Variants in AKAP13 observed in about 807,000 individuals in gnomAD.
AKAP13 encodes A-kinase anchoring protein 13, also known as A-kinase anchor protein 13.
AKAP13 carries 80 observed loss-of-function variants against 264.5 expected under a neutral mutation model. The observed-to-expected ratio is 0.30, with a 90% CI of 0.25 to 0.36. AKAP13 has a LOEUF of 0.36. AKAP13 is among the 10% of genes least tolerant of loss of function. The pLI is 1.00. For synonymous variants in AKAP13, 1,380 were observed against 1,250.2 expected, an observed-to-expected ratio of 1.10 and a Z score of -2.19; for missense variants, 3,712 against 3,435.2, an observed-to-expected ratio of 1.08 and a Z score of -2.01.
At chr15:85,505,392 T>C (rs570799279) in intron 2 of AKAP13, among the ~76,000 whole-genome samples, 3 of 152,200 alleles carry the variant, frequency 2.0e-5, no homozygotes, top group Non-Finnish European at 4.4e-5. Context: ...TGACTGGTAG[T>C]AGTATTTAAA....
intron 2 of AKAP13, among the ~76,000 whole-genome samples, chr15:85,501,207 G>A (rs55857625): frequency 0.11 from 16,531 of 152,068 alleles, 1,171 homozygotes; most frequent in East Asian, 0.3. Context: ...ATGGTTTAGG[G>A]ATCCCAGGCA....
rs369008646 is a variant in AKAP13 at position 85,606,090 on chromosome 15, C to CT, written c.4161+20293dup. The stretch of plus-strand genomic sequence containing the variant: ...AGATTTTCTGCACTGGTTTGATCTA[C>CT]TTTTTTTTTTTTTTTTTTTTTTTTT... On this transcript the variant is annotated intron_variant, in intron 8 of 36. Coordinates refer to ENST00000394518, the MANE Select transcript of AKAP13 (RefSeq NM_007200.5). Among the ~76,000 whole-genome samples, 371 of 88,298 alleles carry CT rather than the reference C, an allele frequency of 4.2e-3. 22 individuals carry two copies. Among genetic ancestry groups the CT allele is most frequent in the African/African-American group, 9.4e-3 (181 of 19,190 alleles). The allele number at this position is 88,298 out of a possible 152,430, so 57.9% of individuals were successfully genotyped here.
intron 8 of AKAP13, among the ~76,000 whole-genome samples, chr15:85,631,250 C>T (rs867764745): frequency 2.1e-4 from 32 of 152,024 alleles, no homozygotes; most frequent in African/African-American, 6.8e-4. Context: ...GAAATACATT[C>T]GTGGCTCTCT....
At chr15:85,385,673 T>C (rs146529106) in intron 1 of AKAP13, among the ~76,000 whole-genome samples, 2 of 152,358 alleles carry the variant, frequency 1.3e-5, no homozygotes, top group African/African-American at 2.4e-5. Flanking sequence ...ACTAATGATA[T>C]TAAGTATCTT....
chr15:85,461,556 A>T (rs1015950369), intron 1 of AKAP13, among the ~76,000 whole-genome samples: 1 of 152,086 alleles, frequency 6.6e-6, no homozygotes, highest in African/African-American at 2.4e-5. Context: ...CTACATACCA[A>T]ATCCCCCTAT....
At chr15:85,591,791 T>A (rs2079591182) in intron 8 of AKAP13, among the ~76,000 whole-genome samples, 1 of 152,194 alleles carries the variant, frequency 6.6e-6, no homozygotes, top group African/African-American at 2.4e-5. Flanking sequence ...CATCTGTTCA[T>A]TGAAGTATCT....
chr15:85,554,031 G>C (rs2078055139), intron 5 of AKAP13, among the ~76,000 whole-genome samples: 1 of 152,164 alleles, frequency 6.6e-6, no homozygotes, highest in Non-Finnish European at 1.5e-5. Context: ...CGCTGGTTTA[G>C]ATTATGTAGA....
In AKAP13 at chr15:85,744,757, T is replaced by C; in HGVS notation, c.*80T>C. 7.4e-7 allele frequency: 1 copy of C among 1,354,122 alleles called. No individual in the cohort carries two copies. The highest frequency in any genetic ancestry group is 1.0e-6 in the Non-Finnish European group (1 of 995,842). 83.9% of individuals were successfully genotyped at this position (1,354,122 alleles called of 1,614,324 possible). A position where few individuals can be genotyped will look rare whatever the true frequency, so the allele number is the denominator to read the frequency against. On this transcript the variant is annotated 3_prime_UTR_variant, in exon 37 of 37. Transcript: ENST00000394518. ...CCTGCTGTCCCCGCGTGCACAAGTCTCTTACACTGGACGCCCACTGCTCCT... is the reference window on the plus strand; with the variant it reads ...CCTGCTGTCCCCGCGTGCACAAGTCCCTTACACTGGACGCCCACTGCTCCT...
chr15:85,445,133 A>C (rs192079617), intron 1 of AKAP13, among the ~76,000 whole-genome samples: 1 of 152,316 alleles, frequency 6.6e-6, no homozygotes, highest in Non-Finnish European at 1.5e-5. Context: ...AAAAAAACCT[A>C]TGATCAAAAC....
At chr15:85,540,760 C>A (rs1023988156) in intron 4 of AKAP13, among the ~76,000 whole-genome samples, 4 of 152,212 alleles carry the variant, frequency 2.6e-5, no homozygotes. Context: ...CTTCTACAAA[C>A]CTAATTCACA....
At chr15:85,501,806 C>G (rs2076044487) in intron 2 of AKAP13, among the ~76,000 whole-genome samples, 1 of 152,230 alleles carries the variant, frequency 6.6e-6, no homozygotes, top group South Asian at 2.1e-4. Context: ...TATTGCTCCT[C>G]TGTGTCAGCG....
intron 1 of AKAP13, among the ~76,000 whole-genome samples, chr15:85,387,401 A>AT (rs1567032599): frequency 6.6e-6 from 1 of 151,986 alleles, no homozygotes; most frequent in African/African-American, 2.4e-5. Context: ...TAGGATAACC[A>AT]CTCACTGCAG....
At chr15:85,565,799 C>G (rs1048211963) in intron 5 of AKAP13, among the ~76,000 whole-genome samples, 1 of 152,192 alleles carries the variant, frequency 6.6e-6, no homozygotes, top group Admixed American at 6.5e-5. Flanking sequence ...CTTCCCTCTA[C>G]TGGTCCTGTC....
chr15:85,539,164 T>C (rs1227239891), intron 4 of AKAP13, among the ~76,000 whole-genome samples: 1 of 152,172 alleles, frequency 6.6e-6, no homozygotes, highest in Non-Finnish European at 1.5e-5. Context: ...TCATCACTGC[T>C]GAAAAGAAAA....
rs1290992648 is a variant in AKAP13 at position 85,580,425 on chromosome 15, C to T, written c.2357C>T (p.Ser786Phe). The change falls in exon 7 of 37, where the codon TCT (serine) becomes TTT (phenylalanine). Residue 786 changes from serine to phenylalanine, a missense_variant. By Grantham distance (155) the Ser-to-Phe change is radical (BLOSUM62 -2). Around this residue, in one of 3 missense-constraint regions of AKAP13, gnomAD observed 2,759 missense variants for 2,411.7 expected, o/e 1.14. Transcript: ENST00000394518. ...GCAGTAATATCAGACAGTACTTTCTCTCTGGCAAACAGTCCAGGCAGTGAA... is the reference window on the plus strand; with the variant it reads ...GCAGTAATATCAGACAGTACTTTCTTTCTGGCAAACAGTCCAGGCAGTGAA... Reference protein sequence around the residue: ...DQAVISDSTFSLANSPGSESV... With the variant: ...DQAVISDSTFFLANSPGSESV... 1.2e-6 allele frequency: 2 copies of T among 1,614,100 alleles called. No homozygotes were observed. The highest frequency in any genetic ancestry group is 1.7e-6 in the Non-Finnish European group (2 of 1,180,046).
At chr15:85,451,401 G>C (rs978573850) in intron 1 of AKAP13, among the ~76,000 whole-genome samples, 5 of 152,172 alleles carry the variant, frequency 3.3e-5, no homozygotes, top group African/African-American at 1.2e-4. Context: ...GTCTGGATTT[G>C]ATCCTGTCAT....
chr15:85,453,030 C>A (rs1377136013), intron 1 of AKAP13, among the ~76,000 whole-genome samples: 1 of 152,142 alleles, frequency 6.6e-6, no homozygotes, highest in Non-Finnish European at 1.5e-5. Context: ...GGGCCCAAGC[C>A]AGGGGTTGGT....
intron 14 of AKAP13, among the ~76,000 whole-genome samples, chr15:85,679,029 G>T (rs540772215): frequency 6.6e-6 from 1 of 151,670 alleles, no homozygotes; most frequent in Non-Finnish European, 1.5e-5. Flanking sequence ...TCACGAGGTC[G>T]GGAGTTCAAG....
At chr15:85,719,605 A>T (rs1395645979) in intron 23 of AKAP13, among the ~76,000 whole-genome samples, 2 of 152,162 alleles carry the variant, frequency 1.3e-5, no homozygotes, top group Non-Finnish European at 2.9e-5. Flanking sequence ...TCTTCCTCAG[A>T]GTCTGTGCCA....
Sources: allele counts gnomAD v4.1 joint callset (sites outside exome capture counted in the v4.1 genomes callset), GRCh38; gene constraint gnomAD v4.1.1; regional missense constraint gnomAD v4.1.1; transcripts MANE v1.5; gene names NCBI Gene and HGNC (gene_info 2026-07-23, HGNC 2026-07-21).